KSR1: variants seen among roughly 807,000 people sequenced by gnomAD.
KSR1 encodes kinase suppressor of ras 1, also known as kinase suppressor of ras.
KSR1 carries 35 observed loss-of-function variants against 92.9 expected under a neutral mutation model. The observed-to-expected ratio is 0.38, with a 90% CI of 0.29 to 0.50. The LOEUF (loss-of-function observed/expected upper bound fraction) is 0.50. Ranked by LOEUF, KSR1 falls within the 20% of genes least tolerant of loss-of-function variation. KSR1 has a pLI of 0.94. For synonymous variants in KSR1, 467 were observed against 472.6 expected, an observed-to-expected ratio of 0.99 and a Z score of 0.15; for missense variants, 972 against 1,158.5, an observed-to-expected ratio of 0.84 and a Z score of 2.34.
intron 1 of KSR1, among the ~76,000 whole-genome samples, chr17:27,504,286 C>G (rs2069296937): frequency 6.6e-6 from 1 of 152,232 alleles, no homozygotes; most frequent in Admixed American, 6.5e-5. Context: ...GCCGGCCATT[C>G]TTACCCACCT....
Position 27,550,695 on chromosome 17 carries a change from C to T in KSR1, c.359C>T (p.Pro120Leu), listed in dbSNP as rs768074390. The T allele has an allele frequency of 7.9e-6, 6 of 763,054 alleles. No homozygotes were observed. Among genetic ancestry groups the T allele is most frequent in the East Asian group, 2.4e-5 (1 of 41,246 alleles). The allele number at this position is 763,054 out of a possible 1,614,324, so 47.3% of individuals were successfully genotyped here. A position where few individuals can be genotyped will look rare whatever the true frequency, so the allele number is the denominator to read the frequency against. The change falls in exon 2 of 21, where the codon CCG becomes CTG. Residue 120 changes from proline to leucine, a missense_variant. By Grantham distance (98) the Pro-to-Leu change is moderately conservative. Coordinates refer to ENST00000644974, the MANE Select transcript of KSR1 (RefSeq NM_001394583.1). ...SDWLYTFNVR[P>L]EVVQEIPRDL... is the part of the protein sequence containing the mutation. ...TGGCTGTACACTTTCAACGTGAGGC[C>T]GGAGGTGGTGCAGGTATGCAAGCTG...
At chr17:27,571,061 T>C (rs1026843244) in intron 2 of KSR1, among the ~76,000 whole-genome samples, 2 of 152,224 alleles carry the variant, frequency 1.3e-5, no homozygotes, top group Non-Finnish European at 2.9e-5. Flanking sequence ...CCAGTCTGGC[T>C]CTTTGCTTCA....
intron 2 of KSR1, chr17:27,558,285 T>G (rs2071686413): frequency 6.9e-6 from 1 of 145,750 alleles, no homozygotes; most frequent in African/African-American, 2.5e-5. Context: ...TTTTTTTTTG[T>G]TTGCTGAAAT....
At chr17:27,476,025 A>G (rs545720005) in intron 1 of KSR1, among the ~76,000 whole-genome samples, 1 of 152,344 alleles carries the variant, frequency 6.6e-6, no homozygotes, top group East Asian at 1.9e-4. Context: ...TTTTGCAAAA[A>G]TTCCTTTATT....
At position 27,522,205 on chromosome 17, in the gene KSR1, C is replaced by G. The variant is rs115024095; in HGVS notation, c.232-28363C>G. Among the ~76,000 whole-genome samples, 1,120 of 152,246 alleles carry G rather than the reference C, an allele frequency of 7.4e-3. 11 individuals carry two copies. Among genetic ancestry groups the G allele is most frequent in the African/African-American group, 0.026 (1,077 of 41,534 alleles). On this transcript the variant is annotated intron_variant, in intron 1 of 20. Transcript: ENST00000644974. ...GGGTTAAGTGGGTCAAGGCAACTACCCTTTGCACTTGGGGCAAGTTGACAT... is the reference window on the plus strand; with the variant it reads ...GGGTTAAGTGGGTCAAGGCAACTACGCTTTGCACTTGGGGCAAGTTGACAT...
At chr17:27,502,024 T>G (rs1276771285) in intron 1 of KSR1, among the ~76,000 whole-genome samples, 6 of 152,250 alleles carry the variant, frequency 3.9e-5, no homozygotes, top group Non-Finnish European at 7.3e-5. Flanking sequence ...GTGGAGATTA[T>G]GTAGGCTGGA....
chr17:27,536,164 G>A (rs1401652151), intron 1 of KSR1, among the ~76,000 whole-genome samples: 1 of 152,216 alleles, frequency 6.6e-6, no homozygotes, highest in Non-Finnish European at 1.5e-5. Flanking sequence ...CTGCCTGTGG[G>A]CTGAGTGCCC....
chr17:27,528,599 A>G (rs1050166481), intron 1 of KSR1, among the ~76,000 whole-genome samples: 4 of 151,870 alleles, frequency 2.6e-5, no homozygotes, highest in Non-Finnish European at 4.4e-5. Flanking sequence ...TTCTCTTCCT[A>G]TTGAAACTCC....
At chr17:27,525,284 A>G (rs1304632542) in intron 1 of KSR1, among the ~76,000 whole-genome samples, 1 of 152,244 alleles carries the variant, frequency 6.6e-6, no homozygotes, top group Non-Finnish European at 1.5e-5. Context: ...CCTTAAATCC[A>G]GACTGCCCCT....
chr17:27,605,758 G>A lies in KSR1; in HGVS notation c.1939G>A (p.Val647Met), dbSNP rs1567881835. The change falls in exon 14 of 21, where the codon GTG (valine) becomes ATG (methionine). Residue 647 changes from valine to methionine, a missense_variant. Physicochemically the swap from Val to Met is conservative, Grantham distance 21 (BLOSUM62 1). Coordinates refer to ENST00000644974, the MANE Select transcript of KSR1 (RefSeq NM_001394583.1). ...MNYRQTRHEN[V>M]VLFMGACMNP... ...CTACCGGCAGACGCGGCATGAGAAC[G>A]TGGTGCTCTTCATGGGGGCCTGCAT... The A allele has an allele frequency of 8.7e-6, 14 of 1,612,748 alleles. No individual in the cohort carries two copies. Among genetic ancestry groups the A allele is most frequent in the Non-Finnish European group, 1.2e-5 (14 of 1,179,828 alleles).
Position 27,623,762 on chromosome 17 carries a change from G to A in KSR1, c.*370G>A. The A allele has an allele frequency of 1.8e-6, 1 of 550,780 alleles. No homozygotes were observed. The highest frequency in any genetic ancestry group is 3.1e-6 in the Non-Finnish European group (1 of 318,786). 34.1% of individuals were successfully genotyped at this position (550,780 alleles called of 1,614,324 possible). On this transcript the variant is annotated 3_prime_UTR_variant, in exon 21 of 21. Coordinates refer to ENST00000644974, the MANE Select transcript of KSR1 (RefSeq NM_001394583.1). Reference sequence around the variant, plus strand: ...CTCTGAGGACCTTGTAGGCGGTGAGGGACCCATGCTGGGCCAGAAGGAAGA... The same window carrying A: ...CTCTGAGGACCTTGTAGGCGGTGAGAGACCCATGCTGGGCCAGAAGGAAGA...
chr17:27,504,803 C>T (rs1005925771), intron 1 of KSR1, among the ~76,000 whole-genome samples: 1 of 152,162 alleles, frequency 6.6e-6, no homozygotes, highest in Non-Finnish European at 1.5e-5. Context: ...ATGCTCATCT[C>T]CTTCAGCGGC....
Position 27,597,387 on chromosome 17 carries a change from G to A in KSR1, c.1419G>A (p.Thr473=), listed in dbSNP as rs533529582. The change falls in exon 10 of 21, where the codon ACG becomes ACA. Residue 473 remains threonine, a synonymous_variant. Coordinates refer to ENST00000644974, the MANE Select transcript of KSR1 (RefSeq NM_001394583.1). The stretch of plus-strand genomic sequence containing the variant: ...CATCCAACCCATCCAGCGCCACCAC[G>A]CCCCCCAACCCCTCACCTGGCCAGC... ...PTSSNPSSAT[T]PPNPSPGQRD... 99 of 1,612,986 alleles carry A rather than the reference G, an allele frequency of 6.1e-5. No homozygotes were observed. Among genetic ancestry groups the A allele is most frequent in the East Asian group, 4.9e-4 (22 of 44,828 alleles).
intron 2 of KSR1, among the ~76,000 whole-genome samples, chr17:27,575,657 G>A (rs553527334): frequency 3.9e-5 from 6 of 152,276 alleles, no homozygotes; most frequent in Admixed American, 6.5e-5. Flanking sequence ...AGATGGAATG[G>A]CTCTGGTTCC....
At chr17:27,612,178 A>T (rs2073938967) in intron 18 of KSR1, among the ~76,000 whole-genome samples, 1 of 152,226 alleles carries the variant, frequency 6.6e-6, no homozygotes, top group South Asian at 2.1e-4. Flanking sequence ...TGTCAGGCTA[A>T]ATAAGAGAGA....
In KSR1 at chr17:27,477,530, G is replaced by A. The variant is rs188795504; in HGVS notation, c.231+20656G>A. The stretch of plus-strand genomic sequence containing the variant: ...TGATGACCAAGCCCATACCTTTGCA[G>A]TTTCTTTGTCACAGCTCACTGGACT... On this transcript the variant is annotated intron_variant, in intron 1 of 20. Coordinates refer to ENST00000644974, the MANE Select transcript of KSR1 (RefSeq NM_001394583.1). Among the ~76,000 whole-genome samples the A allele has an allele frequency of 4.6e-5, 7 of 152,296 alleles. No homozygotes were observed. The East Asian group carries it at 1.3e-3, about 29-fold the overall frequency.
At chr17:27,465,164 T>C (rs1165495298) in intron 1 of KSR1, 4 of 152,208 alleles carry the variant, frequency 2.6e-5, no homozygotes, top group African/African-American at 9.6e-5. Flanking sequence ...CACAGCTGTT[T>C]GTCATTTGCA....
chr17:27,480,958 T>C (rs533472650), intron 1 of KSR1, among the ~76,000 whole-genome samples: 1 of 152,352 alleles, frequency 6.6e-6, no homozygotes, highest in Non-Finnish European at 1.5e-5. Context: ...GCCTCTGTGA[T>C]TAAGGTTTCA....
rs2074298139 is a variant in KSR1 at position 27,624,466 on chromosome 17, C to T, written c.*1074C>T. On this transcript the variant is annotated 3_prime_UTR_variant, in exon 21 of 21. Transcript: ENST00000644974. Reference sequence around the variant, plus strand: ...CAGCTGGGCAGTGTGTGGGCTATCACCCCTTTCATTTAGACCTACCTAGCT... The same window carrying T: ...CAGCTGGGCAGTGTGTGGGCTATCATCCCTTTCATTTAGACCTACCTAGCT... 1 of 152,360 alleles carries T rather than the reference C, an allele frequency of 6.6e-6. No individual in the cohort carries two copies. The highest frequency in any genetic ancestry group is 1.5e-5 in the Non-Finnish European group (1 of 68,158). The allele number at this position is 152,360 out of a possible 1,614,324, so 9.4% of individuals were successfully genotyped here.
Sources: gnomAD v4.1 joint callset for allele counts (sites outside exome capture counted in the v4.1 genomes callset) on GRCh38, gnomAD v4.1.1 for gene constraint, MANE v1.5 for transcripts, NCBI Gene and HGNC (gene_info 2026-07-23, HGNC 2026-07-21) for gene names.